CECR2: variants seen among roughly 807,000 people sequenced by gnomAD.
CECR2 encodes CECR2 histone acetyl-lysine reader.
Under a neutral mutation model 154.5 loss-of-function variants are expected in CECR2, and 30 were observed. The ratio of observed to expected loss-of-function variants is 0.19; its 90% CI spans 0.15 to 0.26. CECR2 has a LOEUF of 0.26. Ranked by LOEUF, CECR2 falls within the 10% of genes least tolerant of loss-of-function variation. The probability of loss-of-function intolerance (pLI) is 1.00; values close to 1 mark genes in which losing one functional copy is unlikely to be tolerated. For missense variants in CECR2, 1,743 were observed against 1,829.3 expected (o/e 0.95, Z 0.86); for synonymous variants, 725 against 683.7 (o/e 1.06, Z -0.94).
chr22:17,484,901 A>G (rs1174018076), intron 2 of CECR2, among the ~76,000 whole-genome samples: 3 of 152,208 alleles, frequency 2.0e-5, no homozygotes, highest in Admixed American at 6.5e-5. Flanking sequence ...ATCAGGCCAG[A>G]TTTGGCCCTC....
chr22:17,494,366 T>G (rs1485548501), intron 2 of CECR2, among the ~76,000 whole-genome samples: 1 of 152,166 alleles, frequency 6.6e-6, no homozygotes, highest in Non-Finnish European at 1.5e-5. Flanking sequence ...TTTTTCATTT[T>G]CAAATTCACC....
At chr22:17,447,575 TTAA>T (rs946919655) in intron 1 of CECR2, among the ~76,000 whole-genome samples, 2 of 151,004 alleles carry the variant, frequency 1.3e-5, no homozygotes, top group Non-Finnish European at 2.9e-5. Flanking sequence ...TAAATAGTAA[TTAA>T]TAAAATAAAA....
At chr22:17,455,366 A>C (rs1340119356) in intron 1 of CECR2, among the ~76,000 whole-genome samples, 1 of 152,176 alleles carries the variant, frequency 6.6e-6, no homozygotes. Context: ...TGGGGAGGAA[A>C]GTCTTTGAAG....
At chr22:17,435,130 C>T (rs558671640) in intron 1 of CECR2, among the ~76,000 whole-genome samples, 2 of 152,112 alleles carry the variant, frequency 1.3e-5, no homozygotes, top group Non-Finnish European at 2.9e-5. Context: ...GTGAATCAGT[C>T]AGACTTGATT....
intron 1 of CECR2, among the ~76,000 whole-genome samples, chr22:17,408,278 G>A (rs1327939398): frequency 8.3e-6 from 1 of 120,676 alleles, no homozygotes; most frequent in Non-Finnish European, 1.6e-5. Context: ...TTTTATATTT[G>A]CTTTTTTGTG....
At chr22:17,478,672 G>T (rs189818713) in intron 2 of CECR2, among the ~76,000 whole-genome samples, 1 of 152,206 alleles carries the variant, frequency 6.6e-6, no homozygotes, top group East Asian at 1.9e-4. Context: ...AGATATTTTT[G>T]TTCTAACGAA....
chr22:17,481,219 T>G lies in CECR2; in HGVS notation c.221+3537T>G, dbSNP rs182955162. On this transcript the variant is annotated intron_variant, in intron 2 of 18. Coordinates refer to ENST00000262608, the MANE Select transcript of CECR2 (RefSeq NM_001290047.2). ...TTAGCCGGGCGTGGTGGTGGGCGCC[T>G]GTAGTCCCAGCTACTTGGGAGGCTG... 8.5e-3 allele frequency among the ~76,000 whole-genome samples: 1,279 copies of G among 149,758 alleles called. 21 individuals carry two copies. The highest frequency in any genetic ancestry group is 0.03 in the African/African-American group (1,230 of 40,682).
At chr22:17,537,292 A>G in intron 10 of CECR2, 60 bp downstream of exon 10, 4 of 1,588,196 alleles carry the variant, frequency 2.5e-6, no homozygotes, top group Non-Finnish European at 2.6e-6. Flanking sequence ...TGAAGCATTC[A>G]GGCACTTGCC....
rs543078685 is a variant in CECR2, at chr22:17,501,109, A to G, written c.650+374A>G. ...GAAATTTCACCATGTGAATCTTGCT[A>G]TAGGACTTTTCAAAATCTGACCTAT... On this transcript the variant is annotated intron_variant, in intron 5 of 18. Transcript: ENST00000262608. Among the ~76,000 whole-genome samples the G allele has an allele frequency of 3.0e-4, 46 of 152,332 alleles. No homozygotes were observed. In the South Asian group the frequency reaches 8.9e-3, roughly 29 times the overall value.
At chr22:17,413,843 ATT>A (rs746692624) in intron 1 of CECR2, among the ~76,000 whole-genome samples, 1 of 142,764 alleles carries the variant, frequency 7.0e-6, no homozygotes. Flanking sequence ...CGGCCGGCTA[ATT>A]TTTTTTTTTT....
intron 1 of CECR2, among the ~76,000 whole-genome samples, chr22:17,391,526 C>T (rs1183418176): frequency 1.3e-5 from 2 of 152,160 alleles, no homozygotes; most frequent in African/African-American, 4.8e-5. Context: ...TTGGTTGTCT[C>T]GTGTTCCATA....
rs2056774524 is a variant in CECR2, at chr22:17,556,578, G to T, written c.*3738G>T. The T allele has an allele frequency of 6.6e-6, 1 of 151,636 alleles. No individual in the cohort carries two copies. Among genetic ancestry groups the T allele is most frequent in the East Asian group, 1.9e-4 (1 of 5,188 alleles). The allele number at this position is 151,636 out of a possible 1,614,324, so 9.4% of individuals were successfully genotyped here. On this transcript the variant is annotated 3_prime_UTR_variant, in exon 19 of 19. Transcript: ENST00000262608. ...CTTGGTTCAATTTTTTTTTTTAATG[G>T]ACATTCAAATCTGTAAATACTACAC...
At chr22:17,378,229 C>T (rs890974863) in intron 1 of CECR2, among the ~76,000 whole-genome samples, 1 of 148,906 alleles carries the variant, frequency 6.7e-6, no homozygotes, top group East Asian at 2.0e-4. Flanking sequence ...GTGATCCGCC[C>T]GCCTTGGCCT....
In CECR2 at chr22:17,511,881, A is replaced by G; in HGVS notation, c.939A>G (p.Lys313=). The G allele has an allele frequency of 6.2e-7, 1 of 1,611,200 alleles. No homozygotes were observed. The highest frequency in any genetic ancestry group is 2.2e-5 in the East Asian group (1 of 44,828). ...GGATGTCTGACCACCTGTCCATCAA[A>G]CCCGTCAAGCAAGAGGTGAGTGTGG... The part of the protein sequence containing the change: ...PRWMSDHLSI[K]PVKQEETPVL... The change falls in exon 8 of 19, where the codon AAA becomes AAG. Residue 313 remains lysine (K), a synonymous_variant. Coordinates refer to ENST00000262608, the MANE Select transcript of CECR2 (RefSeq NM_001290047.2).
intron 8 of CECR2, among the ~76,000 whole-genome samples, chr22:17,519,551 C>T (rs761877746): frequency 6.6e-6 from 1 of 152,232 alleles, no homozygotes; most frequent in African/African-American, 2.4e-5. Context: ...GGCCACCATG[C>T]CCGGCCCCTC....
intron 1 of CECR2, among the ~76,000 whole-genome samples, chr22:17,379,501 C>G (rs1354761820): frequency 2.6e-5 from 4 of 151,812 alleles, no homozygotes; most frequent in African/African-American, 7.3e-5. Context: ...CTTGACAGAT[C>G]TCTTGAGCAT....
intron 1 of CECR2, among the ~76,000 whole-genome samples, chr22:17,422,363 A>G (rs1342433039): frequency 6.6e-6 from 1 of 151,936 alleles, no homozygotes; most frequent in Non-Finnish European, 1.5e-5. Flanking sequence ...AGGCCCAGCT[A>G]ATTTTTTGTA....
chr22:17,550,855 T>G (rs1405993333), intron 17 of CECR2, among the ~76,000 whole-genome samples: 1 of 151,884 alleles, frequency 6.6e-6, no homozygotes, highest in Non-Finnish European at 1.5e-5. Context: ...GGCAGGAGAA[T>G]GGCGTGAACC....
In CECR2 at chr22:17,499,658, C is replaced by G. The variant is rs118024395; in HGVS notation, c.545+109C>G. The G allele has an allele frequency of 0.011, 11,990 of 1,099,382 alleles. 78 individuals are homozygous for G. Among genetic ancestry groups the G allele is most frequent in the Non-Finnish European group, 0.013 (10,038 of 786,746 alleles). 68.1% of individuals were successfully genotyped at this position (1,099,382 alleles called of 1,614,324 possible). ...TTTTTTTTCCTAATGAAGGAATTCT[C>G]TAAGCATGCCTGCAAAGAGATGGTA... On this transcript the variant is annotated intron_variant, in intron 4 of 18. Transcript: ENST00000262608.
Sources: gnomAD v4.1 joint callset for allele counts (sites outside exome capture counted in the v4.1 genomes callset) on GRCh38, gnomAD v4.1.1 for gene constraint, MANE v1.5 for transcripts, NCBI Gene and HGNC (gene_info 2026-07-23, HGNC 2026-07-21) for gene names.